Variants in IFNGR2 observed in about 807,000 individuals in gnomAD.
The protein encoded by IFNGR2 is interferon gamma receptor 2.
A neutral mutation model predicts 41.1 loss-of-function variants in IFNGR2; 15 were observed. The ratio of observed to expected loss-of-function variants is 0.37; its 90% CI spans 0.24 to 0.56. The LOEUF is 0.56. Ranked by LOEUF, IFNGR2 falls within the 20% of genes least tolerant of loss-of-function variation. IFNGR2 has a pLI of 0.81. For synonymous variants in IFNGR2, 161 were observed against 171.6 expected (o/e 0.94, Z 0.48); for missense variants, 362 against 415.7 (o/e 0.87, Z 1.12).
chr21:33,429,865 G>GC (rs758552341), intron 4 of IFNGR2, among the ~76,000 whole-genome samples: 8 of 152,190 alleles, frequency 5.3e-5, no homozygotes, highest in Non-Finnish European at 1.0e-4. Context: ...CAGGCTGGGC[G>GC]CGGTGGCTTA....
chr21:33,412,593 T>C (rs1044055543), intron 1 of IFNGR2, among the ~76,000 whole-genome samples: 10 of 152,334 alleles, frequency 6.6e-5, no homozygotes, highest in Non-Finnish European at 1.2e-4. Flanking sequence ...TGCCGCTCTG[T>C]CGCCCAGGCT....
In IFNGR2 at chr21:33,437,377, G is replaced by A. The variant is rs564598685; in HGVS notation, c.*415G>A. 1.2e-4 allele frequency: 23 copies of A among 191,170 alleles called. 1 individual carries two copies. In the South Asian group the frequency reaches 1.4e-3, roughly 12 times the overall value. The allele number at this position is 191,170 out of a possible 1,614,324, so 11.8% of individuals were successfully genotyped here. On this transcript the variant is annotated 3_prime_UTR_variant, in exon 7 of 7. Transcript: ENST00000290219. The stretch of plus-strand genomic sequence containing the variant: ...GGCAGGTCACACAACCTGTCCCAGC[G>A]AGGGACACCGAGTGGCCCTTCATGT...
chr21:33,407,763 T>C (rs1462578944), intron 1 of IFNGR2, among the ~76,000 whole-genome samples: 3 of 152,052 alleles, frequency 2.0e-5, no homozygotes, highest in Non-Finnish European at 4.4e-5. Context: ...GCTTTGCTAA[T>C]TTTTATATTT....
intron 1 of IFNGR2, among the ~76,000 whole-genome samples, chr21:33,404,475 T>C (rs994462033): frequency 3.2e-4 from 48 of 152,130 alleles, no homozygotes; most frequent in Non-Finnish European, 1.5e-5. Context: ...TGTCGCTCTG[T>C]CGCCCAGGCT....
intron 4 of IFNGR2, among the ~76,000 whole-genome samples, chr21:33,427,472 AAG>A (rs533008195): frequency 1.8e-4 from 28 of 152,316 alleles, no homozygotes; most frequent in South Asian, 4.1e-4. Context: ...CAGAGGGAGA[AAG>A]AGCTTTCCAG....
At chr21:33,436,661 G>A (rs2083954881) in intron 6 of IFNGR2, among the ~76,000 whole-genome samples, 167 bp from the exon 7 acceptor site, 2 of 151,856 alleles carry the variant, frequency 1.3e-5, no homozygotes, top group African/African-American at 4.8e-5. Context: ...AGCAGAGGTT[G>A]CAGTGAGCTG....
At chr21:33,403,690 T>A in intron 1 of IFNGR2, 74 bp downstream of exon 1, 1 of 797,702 alleles carries the variant, frequency 1.3e-6, no homozygotes, top group Non-Finnish European at 1.7e-6. Context: ...GACTCCCGGA[T>A]CGTGGGGTGG....
Position 33,432,809 on chromosome 21 carries a change from T to G in IFNGR2, c.817T>G (p.Tyr273Asp). ...AGCCTGTTTCTTCCTGGTCCTGAAA[T>G]ATAGAGGCCTGATTAAATACTGGTT... Reference protein sequence around the residue: ...AGACFFLVLKYRGLIKYWFHT... With the variant: ...AGACFFLVLKDRGLIKYWFHT... The change falls in exon 6 of 7, where the codon TAT becomes GAT. Residue 273 changes from tyrosine (Y) to aspartate (D), a missense_variant. Transcript: ENST00000290219. 6.2e-7 allele frequency: 1 copy of G among 1,613,930 alleles called. No homozygotes were observed. The highest frequency in any genetic ancestry group is 8.5e-7 in the Non-Finnish European group (1 of 1,179,890).
Position 33,406,237 on chromosome 21 carries a change from G to T in IFNGR2, c.73+2621G>T, listed in dbSNP as rs193133583. 2.2e-4 allele frequency among the ~76,000 whole-genome samples: 33 copies of T among 151,756 alleles called. 1 individual carries two copies. The East Asian group carries it at 6.4e-3, about 30-fold the overall frequency. On this transcript the variant is annotated intron_variant, in intron 1 of 6. Transcript: ENST00000290219. ...CTAAAACTACGAAAATTACCCGGGC[G>T]TGGTGGTTGGCGCCTGTAATCCCAG...
Position 33,421,608 on chromosome 21 carries a change from C to T in IFNGR2, c.335C>T (p.Thr112Ile). Residue 112 changes from threonine (T) to isoleucine (I), a missense_variant, in exon 3 of 7, where the codon ACT becomes ATT. By Grantham distance (89) the Thr-to-Ile change is moderately conservative (BLOSUM62 -1). Transcript: ENST00000290219. ...GGCTTCCCAATGGATTTCAATGTCA[C>T]TCTACGCCTTCGAGCTGAGCTGGGA... ...SAGFPMDFNV[T>I]LRLRAELGAL... 6.2e-7 allele frequency: 1 copy of T among 1,614,160 alleles called. No individual in the cohort carries two copies. The highest frequency in any genetic ancestry group is 8.5e-7 in the Non-Finnish European group (1 of 1,180,012).
At position 33,434,971 on chromosome 21, in the gene IFNGR2, G is replaced by T. The variant is rs1002506957; in HGVS notation, c.880-1857G>T. 7.9e-5 allele frequency among the ~76,000 whole-genome samples: 12 copies of T among 152,228 alleles called. No individual in the cohort carries two copies. The East Asian group carries it at 1.2e-3, about 15-fold the overall frequency. ...GAAAGCATAAAGAACATCCGCCAAA[G>T]GTCTCTGAGTTACATGGGAACAGTG... is the stretch of plus-strand genomic sequence containing the variant. On this transcript the variant is annotated intron_variant, in intron 6 of 6. Coordinates refer to ENST00000290219, the MANE Select transcript of IFNGR2 (RefSeq NM_005534.4).
chr21:33,418,458 G>A (rs1044967093), intron 2 of IFNGR2, among the ~76,000 whole-genome samples: 6 of 152,132 alleles, frequency 3.9e-5, no homozygotes, highest in Non-Finnish European at 7.4e-5. Context: ...TTTTCAGTTT[G>A]TAGATTTGAT....
rs995328773 is a variant in IFNGR2 at position 33,408,416 on chromosome 21, G to A, written c.73+4800G>A. 2.0e-5 allele frequency among the ~76,000 whole-genome samples: 3 copies of A among 151,992 alleles called. No homozygotes were observed. The East Asian group carries it at 5.8e-4, about 29-fold the overall frequency. On this transcript the variant is annotated intron_variant, in intron 1 of 6. Coordinates refer to ENST00000290219, the MANE Select transcript of IFNGR2 (RefSeq NM_005534.4). ...TCACCACGTTGGTCAGGCTGGTCTC[G>A]AACTCCTGACCTTAAGTGATCTGCC...
At chr21:33,430,111 C>T (rs1345747484) in intron 4 of IFNGR2, among the ~76,000 whole-genome samples, 1 of 152,166 alleles carries the variant, frequency 6.6e-6, no homozygotes, top group Non-Finnish European at 1.5e-5. Flanking sequence ...TGCACTCCAG[C>T]CTGGGCAACG....
intron 1 of IFNGR2, among the ~76,000 whole-genome samples, chr21:33,412,450 G>A (rs930111175): frequency 6.6e-6 from 1 of 152,170 alleles, no homozygotes; most frequent in Non-Finnish European, 1.5e-5. Context: ...GAAAGTCAGA[G>A]GCCAAAAATG....
intron 2 of IFNGR2, among the ~76,000 whole-genome samples, chr21:33,416,325 G>A (rs576712089): frequency 1.2e-3 from 178 of 152,268 alleles, no homozygotes; most frequent in Non-Finnish European, 2.2e-3. Flanking sequence ...CTAAACCACA[G>A]ACAGCCAATA....
intron 1 of IFNGR2, among the ~76,000 whole-genome samples, chr21:33,409,131 C>T (rs895924383): frequency 1.3e-5 from 2 of 148,910 alleles, no homozygotes; most frequent in African/African-American, 5.0e-5. Flanking sequence ...GAGCCTAGAT[C>T]GTGCCACTAC....
chr21:33,432,518 C>A, intron 5 of IFNGR2, 182 bp downstream of exon 5: 2 of 831,574 alleles, frequency 2.4e-6, no homozygotes, highest in Non-Finnish European at 4.0e-6. Flanking sequence ...TACCAGACAG[C>A]TACCACTTGC....
chr21:33,427,724 C>G (rs1601086749), intron 4 of IFNGR2, among the ~76,000 whole-genome samples: 1 of 151,906 alleles, frequency 6.6e-6, no homozygotes, highest in African/African-American at 2.4e-5. Context: ...TCTATGGGAA[C>G]TTCATGATTT....
Sources: allele counts gnomAD v4.1 joint callset (sites outside exome capture counted in the v4.1 genomes callset), GRCh38; gene constraint gnomAD v4.1.1; transcripts MANE v1.5; gene names NCBI Gene and HGNC (gene_info 2026-07-23, HGNC 2026-07-21).